Variants in INPP5D observed in about 807,000 individuals in gnomAD.
INPP5D encodes phosphatidylinositol 3,4,5-trisphosphate 5-phosphatase 1.
A neutral mutation model predicts 122.9 loss-of-function variants in INPP5D; 33 were observed. That is an observed-to-expected ratio of 0.27 (90% CI 0.20 to 0.36). INPP5D has a LOEUF of 0.36. Ranked by LOEUF, INPP5D falls within the 10% of genes least tolerant of loss-of-function variation. The pLI is 1.00. For synonymous variants in INPP5D, 584 were observed against 576.2 expected (o/e 1.01, Z -0.19); for missense variants, 1,053 against 1,412.7 (o/e 0.75, Z 4.08).
intron 6 of INPP5D, among the ~76,000 whole-genome samples, chr2:233,143,289 T>C (rs990516362): frequency 2.6e-5 from 4 of 152,188 alleles, no homozygotes; most frequent in East Asian, 1.9e-4. Flanking sequence ...ACTTCATTTA[T>C]GTTCTCTAAG....
chr2:233,130,074 G>C (rs1264065823), intron 4 of INPP5D, among the ~76,000 whole-genome samples: 1 of 152,184 alleles, frequency 6.6e-6, no homozygotes, highest in African/African-American at 2.4e-5. Context: ...GCTAATTTTT[G>C]TATTTTTAGT....
In INPP5D at chr2:233,198,153, G is replaced by A. The variant is rs1234424357; in HGVS notation, c.2752G>A (p.Val918Met). 1 of 1,613,374 alleles carries A rather than the reference G, an allele frequency of 6.2e-7. No homozygotes were observed. Residue 918 changes from valine to methionine, a missense_variant, in exon 25 of 27, where the codon GTG becomes ATG. By Grantham distance (21) the Val-to-Met change is conservative. Around this residue, in one of 6 missense-constraint regions of INPP5D, gnomAD observed 417 missense variants for 425.8 expected, o/e 0.98. Transcript: ENST00000445964. ...TEIINPNYMG[V>M]GPFGPPMPLH... ...AATCATCAACCCCAACTACATGGGA[G>A]TGGGGCCCTTTGGGCCACCAATGCC...
At chr2:233,161,673 T>C in intron 10 of INPP5D, 51 bp from the exon 11 acceptor site, 3 of 1,547,874 alleles carry the variant, frequency 1.9e-6, no homozygotes, top group Non-Finnish European at 2.6e-6. Flanking sequence ...CAAAGTGTAA[T>C]GTGCAGGGAG....
At chr2:233,095,575 C>T (rs1417264444) in intron 2 of INPP5D, among the ~76,000 whole-genome samples, 1 of 143,520 alleles carries the variant, frequency 7.0e-6, no homozygotes, top group African/African-American at 2.6e-5. Context: ...GTGAACCGAG[C>T]CACTGGACTC....
chr2:233,077,616 G>A (rs1279603398), intron 1 of INPP5D, among the ~76,000 whole-genome samples: 15 of 144,356 alleles, frequency 1.0e-4, no homozygotes, highest in Non-Finnish European at 1.0e-4. Flanking sequence ...CCAAGATTGC[G>A]TGCCATTGCA....
chr2:233,153,806 T>C (rs1559322282), intron 9 of INPP5D, among the ~76,000 whole-genome samples: 1 of 152,176 alleles, frequency 6.6e-6, no homozygotes, highest in Non-Finnish European at 1.5e-5. Flanking sequence ...CAGGAGAGCC[T>C]ACTGAAAACA....
At chr2:233,155,563 G>A (rs753736663) in intron 9 of INPP5D, among the ~76,000 whole-genome samples, 22 of 151,828 alleles carry the variant, frequency 1.4e-4, no homozygotes, top group Non-Finnish European at 2.5e-4. Flanking sequence ...CAGAGGTTGC[G>A]GTGAGCCAAG....
In INPP5D at chr2:233,206,391, G is replaced by T. The variant is rs1361596075; in HGVS notation, c.3568-315G>T. Among the ~76,000 whole-genome samples the T allele has an allele frequency of 1.3e-5, 2 of 151,700 alleles. No individual in the cohort carries two copies. Among genetic ancestry groups the T allele is most frequent in the African/African-American group, 4.8e-5 (2 of 41,240 alleles). On this transcript the variant is annotated intron_variant, in intron 26 of 26. Coordinates refer to ENST00000445964, the MANE Select transcript of INPP5D (RefSeq NM_001017915.3). This position sits in a 1 kb window ranked among gnomAD's most constrained non-coding sequence, Gnocchi z 4.0. ...TATATATGGTACGTACCTGGGTGTG[G>T]TGCCATGCACCTGTAGTCCCAGCTA... is the stretch of plus-strand genomic sequence containing the variant.
chr2:233,164,570 G>T lies in INPP5D; in HGVS notation c.1555+146G>T. The T allele has an allele frequency of 7.9e-7, 1 of 1,264,256 alleles. No individual in the cohort carries two copies. Among genetic ancestry groups the T allele is most frequent in the Non-Finnish European group, 1.0e-6 (1 of 971,140 alleles). 78.3% of individuals were successfully genotyped at this position (1,264,256 alleles called of 1,614,324 possible). ...TCCTGGCTCAGTCCTCAGCAAATAGGGGTGATTGGTCTCCCTGGCTGAAAC... is the reference window on the plus strand; with the variant it reads ...TCCTGGCTCAGTCCTCAGCAAATAGTGGTGATTGGTCTCCCTGGCTGAAAC... On this transcript the variant is annotated intron_variant, in intron 13 of 26. Transcript: ENST00000445964. The surrounding 1 kb of genome is among the most constrained non-coding windows in gnomAD (Gnocchi z 4.3).
At chr2:233,098,936 T>A (rs1172712549) in intron 2 of INPP5D, among the ~76,000 whole-genome samples, 3 of 145,986 alleles carry the variant, frequency 2.1e-5, no homozygotes, top group Non-Finnish European at 3.0e-5. Context: ...GGAACTTTAT[T>A]TTTATTTATT....
chr2:233,191,889 A>G lies in INPP5D; in HGVS notation c.2447-1923A>G, dbSNP rs1695067347. Among the ~76,000 whole-genome samples, 3 of 152,328 alleles carry G rather than the reference A, an allele frequency of 2.0e-5. No individual in the cohort carries two copies. The South Asian group carries it at 6.2e-4, about 32-fold the overall frequency. On this transcript the variant is annotated intron_variant, in intron 22 of 26. Coordinates refer to ENST00000445964, the MANE Select transcript of INPP5D (RefSeq NM_001017915.3). ...GGAAGAGGCTGCAGACACAAATGAAAGCCCCACGCATAGTCTCCCATTGTG... is the reference window on the plus strand; with the variant it reads ...GGAAGAGGCTGCAGACACAAATGAAGGCCCCACGCATAGTCTCCCATTGTG...
At position 233,082,262 on chromosome 2, in the gene INPP5D, G is replaced by A. The variant is rs774118756; in HGVS notation, c.198+2864G>A. Among the ~76,000 whole-genome samples, 3 of 152,212 alleles carry A rather than the reference G, an allele frequency of 2.0e-5. No individual in the cohort carries two copies. The highest frequency in any genetic ancestry group is 2.1e-4 in the South Asian group (1 of 4,834). ...CCTCCAAGAGTAAATGACAGCAGACGTCCACTGAGGACCAAGTGCACACTC... is the reference window on the plus strand; with the variant it reads ...CCTCCAAGAGTAAATGACAGCAGACATCCACTGAGGACCAAGTGCACACTC... On this transcript the variant is annotated intron_variant, in intron 2 of 26. Transcript: ENST00000445964. This position sits in a 1 kb window ranked among gnomAD's most constrained non-coding sequence, Gnocchi z 4.7.
rs201313838 is a variant in INPP5D, at chr2:233,094,103, C to CA, written c.198+14711dup. Reference sequence around the variant, plus strand: ...ACTTAGAATACACCCCCTCCCCCCCCAAAAAAGAGAATGTCCTATATCTCA... The same window carrying CA: ...ACTTAGAATACACCCCCTCCCCCCCCAAAAAAAGAGAATGTCCTATATCTCA... On this transcript the variant is annotated intron_variant, in intron 2 of 26. Coordinates refer to ENST00000445964, the MANE Select transcript of INPP5D (RefSeq NM_001017915.3). 3.2e-3 allele frequency among the ~76,000 whole-genome samples: 492 copies of CA among 151,766 alleles called. 5 individuals are homozygous for CA. The highest frequency in any genetic ancestry group is 0.011 in the African/African-American group (464 of 41,274).
At chr2:233,162,555 T>A (rs1694224847) in intron 11 of INPP5D, among the ~76,000 whole-genome samples, 1 of 152,030 alleles carries the variant, frequency 6.6e-6, no homozygotes, top group Admixed American at 6.5e-5. Flanking sequence ...ATATAAATAA[T>A]ACTAAATAAT....
chr2:233,065,247 A>T (rs1192168813), intron 1 of INPP5D, among the ~76,000 whole-genome samples: 1 of 150,266 alleles, frequency 6.7e-6, no homozygotes, highest in Non-Finnish European at 1.5e-5. Flanking sequence ...GATGCTTTGC[A>T]TGTTTGTCTA....
chr2:233,165,765 TGTGA>T (rs36184716), intron 13 of INPP5D, among the ~76,000 whole-genome samples: 33,864 of 151,966 alleles, frequency 0.22, 3,942 homozygotes, highest in East Asian at 0.41. Flanking sequence ...TGTCTGTGTT[TGTGA>T]GTGTGTGTTT....
intron 9 of INPP5D, among the ~76,000 whole-genome samples, chr2:233,152,704 C>A (rs1355812113): frequency 1.3e-5 from 2 of 152,060 alleles, no homozygotes; most frequent in Non-Finnish European, 2.9e-5. Flanking sequence ...TGGGCTCAGT[C>A]CCAAGGCAGG....
chr2:233,114,633 G>A (rs998500323), intron 2 of INPP5D, among the ~76,000 whole-genome samples: 1 of 152,094 alleles, frequency 6.6e-6, no homozygotes, highest in South Asian at 2.1e-4. Flanking sequence ...AGTGGGCTCC[G>A]AGACCTGGAG....
chr2:233,123,402 C>A (rs1433273617), intron 3 of INPP5D, among the ~76,000 whole-genome samples: 1 of 146,662 alleles, frequency 6.8e-6, no homozygotes, highest in Non-Finnish European at 1.5e-5. Flanking sequence ...TGCAGTGAGC[C>A]AAGATCGCAC....
Sources: gnomAD v4.1 joint callset for allele counts (sites outside exome capture counted in the v4.1 genomes callset) on GRCh38, gnomAD v4.1.1 for gene constraint, gnomAD v4.1.1 regional missense constraint, Gnocchi (gnomAD v3.1) non-coding constraint, MANE v1.5 for transcripts, NCBI Gene and HGNC (gene_info 2026-07-23, HGNC 2026-07-21) for gene names.